Variants in ARID1B observed in about 807,000 individuals in gnomAD.
ARID1B encodes AT-rich interaction domain 1B, also known as AT-rich interactive domain-containing protein 1B.
Under a neutral mutation model 212.3 loss-of-function variants are expected in ARID1B, and 30 were observed. The observed-to-expected ratio is 0.14, with a 90% CI of 0.11 to 0.19. The LOEUF is 0.19. Among genes scored for constraint, ARID1B ranks in the 10% least tolerant of loss-of-function variants. The probability of loss-of-function intolerance (pLI) is 1.00; values close to 1 mark genes in which losing one functional copy is unlikely to be tolerated. For missense variants in ARID1B, 2,891 were observed against 3,204.0 expected (o/e 0.90, Z 2.36); for synonymous variants, 1,402 against 1,301.7 (o/e 1.08, Z -1.66).
At chr6:156,973,751 C>T (rs917522494) in intron 4 of ARID1B, among the ~76,000 whole-genome samples, 2 of 152,130 alleles carry the variant, frequency 1.3e-5, no homozygotes, top group African/African-American at 4.8e-5. Flanking sequence ...TGTCCCTGCC[C>T]CCACTTATTT....
chr6:157,198,201 C>G (rs1377533271), intron 16 of ARID1B, among the ~76,000 whole-genome samples: 1 of 152,004 alleles, frequency 6.6e-6, no homozygotes, highest in Non-Finnish European at 1.5e-5. Flanking sequence ...TGAATCATCC[C>G]TGTTATTCTT....
rs1246901980 is a variant in ARID1B, at chr6:157,210,645, T to G, written c.*2754T>G. ...TTGCTTTGTCCTAAAAATTAGTCGG[T>G]TTTTTTTTTTCTATGAGGCTTTTCA... On this transcript the variant is annotated 3_prime_UTR_variant, in exon 20 of 20. Transcript: ENST00000636930. The G allele has an allele frequency of 1.1e-5, 2 of 180,576 alleles. No individual in the cohort carries two copies. The highest frequency in any genetic ancestry group is 2.0e-4 in the South Asian group (1 of 4,962). 11.2% of individuals were successfully genotyped at this position (180,576 alleles called of 1,614,324 possible).
chr6:157,201,322 G>A lies in ARID1B; in HGVS notation c.5097G>A (p.Pro1699=), dbSNP rs764877126. 2.4e-5 allele frequency: 38 copies of A among 1,613,844 alleles called. No homozygotes were observed. The highest frequency in any genetic ancestry group is 1.2e-4 in the African/African-American group (9 of 74,900). ...RMSPSKSPFL[P]SMKMQKVMPT... is the part of the protein sequence containing the mutation. ...CTCCAAGCAAGTCTCCTTTTCTGCC[G>A]TCTATGAAGATGCAGAAGGTCATGC... The change falls in exon 18 of 20, where the codon CCG becomes CCA. Residue 1699 remains proline, a synonymous_variant. Transcript: ENST00000636930. This position sits in a 1 kb window ranked among gnomAD's most constrained non-coding sequence, Gnocchi z 5.2.
At chr6:156,838,113 G>A (rs1336595433) in intron 2 of ARID1B, among the ~76,000 whole-genome samples, 1 of 152,154 alleles carries the variant, frequency 6.6e-6, no homozygotes, top group Non-Finnish European at 1.5e-5. Context: ...GACTTGGTAA[G>A]AGCATGCTTA....
chr6:157,203,670 C>A lies in ARID1B; in HGVS notation c.5264-196C>A. 1.4e-6 allele frequency: 1 copy of A among 712,620 alleles called. No individual in the cohort carries two copies. The highest frequency in any genetic ancestry group is 2.3e-6 in the Non-Finnish European group (1 of 430,092). The allele number at this position is 712,620 out of a possible 1,614,324, so 44.1% of individuals were successfully genotyped here. ...TGACCAACAAAGCGAGATCTGAAAC[C>A]ACAAAAGTTTCTCGTTACAGCTATG... On this transcript the variant is annotated intron_variant, in intron 18 of 19. Transcript: ENST00000636930. The surrounding 1 kb of genome is among the most constrained non-coding windows in gnomAD (Gnocchi z 4.4).
chr6:156,919,803 C>T (rs756636357), intron 3 of ARID1B, among the ~76,000 whole-genome samples: 7 of 152,164 alleles, frequency 4.6e-5, no homozygotes, highest in Non-Finnish European at 7.4e-5. Context: ...TGCACTCCAG[C>T]CTGGGTCACA....
chr6:157,163,396 G>A (rs546167964), intron 8 of ARID1B, among the ~76,000 whole-genome samples: 1 of 152,186 alleles, frequency 6.6e-6, no homozygotes, highest in Non-Finnish European at 1.5e-5. Context: ...TCCACAGCCC[G>A]CTGTCTCCAC....
intron 4 of ARID1B, among the ~76,000 whole-genome samples, chr6:157,054,138 C>A (rs1014467974): frequency 6.6e-6 from 1 of 151,138 alleles, no homozygotes; most frequent in African/African-American, 2.4e-5. Flanking sequence ...GCAGAAGAAT[C>A]GCTTGAACCC....
At chr6:157,097,787 G>A (rs1785755376) in intron 5 of ARID1B, among the ~76,000 whole-genome samples, 1 of 152,208 alleles carries the variant, frequency 6.6e-6, no homozygotes, top group Non-Finnish European at 1.5e-5. Context: ...TGGACAAATT[G>A]GCAACCCTGT....
chr6:157,161,425 GTGTGTGTATATA>G (rs1790923769), intron 8 of ARID1B, among the ~76,000 whole-genome samples: 1 of 124,362 alleles, frequency 8.0e-6, no homozygotes, highest in African/African-American at 3.4e-5. Flanking sequence ...TTTTGATTGT[GTGTGTGTATATA>G]TATATATATA....
rs1187228800 is a variant in ARID1B, at chr6:157,206,640, C to T, written c.5868C>T (p.His1956=). Residue 1956 remains histidine, a synonymous_variant, in exon 20 of 20, where the codon CAC becomes CAT. Coordinates refer to ENST00000636930, the MANE Select transcript of ARID1B (RefSeq NM_001374828.1). The surrounding 1 kb of genome is among the most constrained non-coding windows in gnomAD (Gnocchi z 6.8). ...GGDTTEHIQT[H]FESKMEIPPR... ...ACACCACCGAGCACATTCAGACTCA[C>T]TTTGAGAGCAAGATGGAAATTCCTC... The T allele has an allele frequency of 6.2e-7, 1 of 1,613,968 alleles. No homozygotes were observed.
intron 13 of ARID1B, chr6:157,185,782 C>G (rs1000601559): frequency 6.6e-6 from 1 of 152,214 alleles, no homozygotes; most frequent in Non-Finnish European, 1.5e-5. Flanking sequence ...GGTTGCTAAT[C>G]AAGGGATCTC....
chr6:156,974,283 A>G (rs1309688446), intron 4 of ARID1B, among the ~76,000 whole-genome samples: 1 of 152,218 alleles, frequency 6.6e-6, no homozygotes, highest in Non-Finnish European at 1.5e-5. Flanking sequence ...AAACCTTGTA[A>G]TAACAAAACC....
chr6:157,187,147 A>G (rs1324121166), intron 13 of ARID1B, among the ~76,000 whole-genome samples: 1 of 152,142 alleles, frequency 6.6e-6, no homozygotes, highest in African/African-American at 2.4e-5. Context: ...CATCTAGAAA[A>G]GGTTGTGGGG....
At chr6:156,784,362 G>T (rs2115086436) in intron 1 of ARID1B, among the ~76,000 whole-genome samples, 3 of 152,306 alleles carry the variant, frequency 2.0e-5, no homozygotes, top group Non-Finnish European at 4.4e-5. Context: ...CATAGATGTA[G>T]AACTATTATA....
intron 4 of ARID1B, among the ~76,000 whole-genome samples, chr6:156,951,690 G>A (rs867355373): frequency 2.6e-5 from 4 of 152,052 alleles, no homozygotes; most frequent in Non-Finnish European, 5.9e-5. Flanking sequence ...TGATCCGCCC[G>A]CCTCAGCCTT....
At chr6:156,954,481 A>G (rs1793812889) in intron 4 of ARID1B, among the ~76,000 whole-genome samples, 1 of 152,210 alleles carries the variant, frequency 6.6e-6, no homozygotes, top group African/African-American at 2.4e-5. Flanking sequence ...CTTTAGAATA[A>G]AGATGAATCT....
At chr6:157,155,127 G>A (rs1029971395) in intron 8 of ARID1B, among the ~76,000 whole-genome samples, 17 of 152,072 alleles carry the variant, frequency 1.1e-4, no homozygotes, top group Non-Finnish European at 2.2e-4. Context: ...TAGACTCCAC[G>A]TGCAGCTCAG....
At chr6:157,153,137 C>T (rs1314964313) in intron 8 of ARID1B, among the ~76,000 whole-genome samples, 1 of 152,136 alleles carries the variant, frequency 6.6e-6, no homozygotes, top group East Asian at 1.9e-4. Flanking sequence ...TTATTAATTT[C>T]TTTGAGAGTG....
Sources: allele counts gnomAD v4.1 joint callset (sites outside exome capture counted in the v4.1 genomes callset), GRCh38; gene constraint gnomAD v4.1.1; non-coding constraint Gnocchi (gnomAD v3.1); transcripts MANE v1.5; gene names NCBI Gene and HGNC (gene_info 2026-07-23, HGNC 2026-07-21).